Variants in MAN1C1 observed in about 807,000 individuals in gnomAD.
MAN1C1 encodes mannosyl-oligosaccharide 1,2-alpha-mannosidase IC.
MAN1C1 carries 49 observed loss-of-function variants against 71.5 expected under a neutral mutation model. That is an observed-to-expected ratio of 0.69 (90% CI 0.54 to 0.87). The LOEUF is 0.87. MAN1C1 is among the 40% of genes least tolerant of loss of function. The pLI, the probability that MAN1C1 is intolerant of heterozygous loss-of-function variation, is 0.00. For missense variants in MAN1C1, 743 were observed against 835.0 expected, an observed-to-expected ratio of 0.89 and a Z score of 1.36; for synonymous variants, 352 against 343.7, an observed-to-expected ratio of 1.02 and a Z score of -0.27.
At chr1:25,780,850 C>T (rs1557805923) in intron 9 of MAN1C1, 90 bp from the exon 10 acceptor site, 15 of 1,402,980 alleles carry the variant, frequency 1.1e-5, no homozygotes, top group South Asian at 2.6e-5. Flanking sequence ...ACCCTGGCCG[C>T]GGGTTCAAGG....
intron 2 of MAN1C1, among the ~76,000 whole-genome samples, chr1:25,688,818 A>G (rs751856900): frequency 4.6e-5 from 7 of 152,196 alleles, no homozygotes; most frequent in Admixed American, 6.5e-5. Context: ...CCATGTCTAC[A>G]TGAGTGATTT....
intron 1 of MAN1C1, among the ~76,000 whole-genome samples, chr1:25,656,095 C>CTTTTTTGTTTTTTTTTTTTTTTTTTT (rs2045761209): frequency 1.3e-5 from 1 of 74,988 alleles, no homozygotes; most frequent in African/African-American, 8.2e-5. Flanking sequence ...GATTATCAGT[C>CTTTTTTGTTTTTTTTTTTTTTTTTTT]TTTTTTTTTT....
rs2046967499 is a variant in MAN1C1, at chr1:25,735,255, CAA to C, written c.638-11409_638-11408del. Among the ~76,000 whole-genome samples, 1 of 152,110 alleles carries C rather than the reference CAA, an allele frequency of 6.6e-6. No homozygotes were observed. The highest frequency in any genetic ancestry group is 2.4e-5 in the African/African-American group (1 of 41,420). ...CAACATGGCGAATCCCCACCTCTGC[CAA>C]AAACACAAAAATTAGCCGGGCATGC... On this transcript the variant is annotated intron_variant, in intron 2 of 11. Transcript: ENST00000374332. The surrounding 1 kb of genome is among the most constrained non-coding windows in gnomAD (Gnocchi z 4.6).
chr1:25,745,868 G>C (rs2047121419), intron 2 of MAN1C1, among the ~76,000 whole-genome samples: 2 of 152,034 alleles, frequency 1.3e-5, no homozygotes, highest in African/African-American at 4.8e-5. Flanking sequence ...GCATGCATCT[G>C]TAATCCCAGC....
chr1:25,713,285 G>A (rs913873766), intron 2 of MAN1C1, among the ~76,000 whole-genome samples: 2 of 152,230 alleles, frequency 1.3e-5, no homozygotes, highest in Admixed American at 1.3e-4. Context: ...GGGTGCTTTT[G>A]TGTTACCACA....
intron 2 of MAN1C1, among the ~76,000 whole-genome samples, chr1:25,696,275 G>T (rs1396917396): frequency 6.6e-6 from 1 of 152,180 alleles, no homozygotes; most frequent in East Asian, 1.9e-4. Context: ...CAGAATCTCA[G>T]ACTACCAGGC....
chr1:25,680,892 A>G (rs897020485), intron 1 of MAN1C1, among the ~76,000 whole-genome samples: 4 of 152,130 alleles, frequency 2.6e-5, no homozygotes, highest in African/African-American at 7.2e-5. Context: ...GACTCAGCCC[A>G]TAGTTCTTGT....
intron 7 of MAN1C1, among the ~76,000 whole-genome samples, chr1:25,766,683 G>A (rs2047431178): frequency 1.3e-5 from 2 of 152,228 alleles, no homozygotes; most frequent in Non-Finnish European, 2.9e-5. Flanking sequence ...GCTCCCGATG[G>A]TGCCCAACAC....
intron 1 of MAN1C1, among the ~76,000 whole-genome samples, chr1:25,665,629 T>A (rs894296112): frequency 6.6e-6 from 1 of 152,092 alleles, no homozygotes; most frequent in Non-Finnish European, 1.5e-5. Context: ...AGGTTTTTGA[T>A]GATTTCCCAC....
chr1:25,714,729 C>T (rs2046657914), intron 2 of MAN1C1, among the ~76,000 whole-genome samples: 1 of 152,126 alleles, frequency 6.6e-6, no homozygotes, highest in Admixed American at 6.5e-5. Context: ...ATGTCACATA[C>T]CAGGTAGAAT....
chr1:25,749,217 GTGTCCCCAC>G lies in MAN1C1; in HGVS notation c.754-30_754-22del, dbSNP rs781203948. The G allele has an allele frequency of 2.7e-5, 42 of 1,571,070 alleles. No homozygotes were observed. In the African/African-American group the frequency reaches 3.4e-4, roughly 13 times the overall value. On this transcript the variant is annotated intron_variant, in intron 3 of 11. Transcript: ENST00000374332. Reference sequence around the variant, plus strand: ...TGTCTCAAGGGCCTGCATCTTACAAGTGTCCCCACTGTCCCCCTCCTTCTTTCTGTCCTG... The same window carrying G: ...TGTCTCAAGGGCCTGCATCTTACAAGTGTCCCCCTCCTTCTTTCTGTCCTG...
rs2045372760 is a variant in MAN1C1 at position 25,631,105 on chromosome 1, C to T, written c.540+12768C>T. On this transcript the variant is annotated intron_variant, in intron 1 of 11. Transcript: ENST00000374332. This position sits in a 1 kb window ranked among gnomAD's most constrained non-coding sequence, Gnocchi z 4.2. Reference sequence around the variant, plus strand: ...TCAGCCTCCTGAGCAGCTGGGATTACAGGCATGTACCACCACGCCTGGTTA... The same window carrying T: ...TCAGCCTCCTGAGCAGCTGGGATTATAGGCATGTACCACCACGCCTGGTTA... 1.3e-5 allele frequency among the ~76,000 whole-genome samples: 2 copies of T among 152,170 alleles called. 1 individual carries two copies. Among genetic ancestry groups the T allele is most frequent in the South Asian group, 4.1e-4 (2 of 4,830 alleles).
intron 3 of MAN1C1, among the ~76,000 whole-genome samples, chr1:25,747,574 G>T (rs2047147559): frequency 6.6e-6 from 1 of 152,166 alleles, no homozygotes; most frequent in Non-Finnish European, 1.5e-5. Flanking sequence ...CTGCAGACAG[G>T]TCTGGGGCTG....
At chr1:25,680,093 T>C (rs184661545) in intron 1 of MAN1C1, among the ~76,000 whole-genome samples, 1 of 152,010 alleles carries the variant, frequency 6.6e-6, no homozygotes, top group African/African-American at 2.4e-5. Flanking sequence ...GACGGAGTCT[T>C]GCTCTGTGGC....
intron 1 of MAN1C1, among the ~76,000 whole-genome samples, chr1:25,635,867 C>T (rs1487384202): frequency 6.6e-6 from 1 of 152,118 alleles, no homozygotes; most frequent in Admixed American, 6.5e-5. Context: ...TGGGGGAACC[C>T]ACCCCCAATA....
chr1:25,704,081 C>T (rs1374792430), intron 2 of MAN1C1, among the ~76,000 whole-genome samples: 1 of 152,184 alleles, frequency 6.6e-6, no homozygotes, highest in Non-Finnish European at 1.5e-5. Context: ...TGTCTCTCCT[C>T]GTCTCCCTGA....
chr1:25,764,061 T>C lies in MAN1C1; in HGVS notation c.1141+94T>C. On this transcript the variant is annotated intron_variant, in intron 7 of 11. Coordinates refer to ENST00000374332, the MANE Select transcript of MAN1C1 (RefSeq NM_020379.4). This position sits in a 1 kb window ranked among gnomAD's most constrained non-coding sequence, Gnocchi z 4.4. ...CAGGCCCCTGGGCTGAGTGAGGATG[T>C]GTCTGTCAGAGCCATGCAGCCAGCA... 1 of 1,032,176 alleles carries C rather than the reference T, an allele frequency of 9.7e-7. No homozygotes were observed. The highest frequency in any genetic ancestry group is 1.5e-6 in the Non-Finnish European group (1 of 668,174). 63.9% of individuals were successfully genotyped at this position (1,032,176 alleles called of 1,614,324 possible).
At chr1:25,744,931 A>AT (rs533802196) in intron 2 of MAN1C1, among the ~76,000 whole-genome samples, 127 of 152,312 alleles carry the variant, frequency 8.3e-4, no homozygotes, top group African/African-American at 2.7e-3. Flanking sequence ...TGAAGGAACA[A>AT]TTACTCCTCT....
At chr1:25,744,628 C>T (rs2047104027) in intron 2 of MAN1C1, among the ~76,000 whole-genome samples, 1 of 152,172 alleles carries the variant, frequency 6.6e-6, no homozygotes, top group African/African-American at 2.4e-5. Flanking sequence ...CTAACTTCTC[C>T]CTCCCTCTCA....
Sources: allele counts gnomAD v4.1 joint callset (sites outside exome capture counted in the v4.1 genomes callset), GRCh38; gene constraint gnomAD v4.1.1; non-coding constraint Gnocchi (gnomAD v3.1); transcripts MANE v1.5; gene names NCBI Gene and HGNC (gene_info 2026-07-23, HGNC 2026-07-21).